Variants in SLC2A12 observed in about 807,000 individuals in gnomAD.
SLC2A12 encodes the protein solute carrier family 2 member 12, also known as solute carrier family 2, facilitated glucose transporter member 12.
In SLC2A12, 23 loss-of-function variants were observed where a neutral mutation model predicts 41.8. That is an observed-to-expected ratio of 0.55 (90% confidence interval 0.40 to 0.78). The LOEUF is 0.78. Ranked by LOEUF, SLC2A12 falls within the 30% of genes least tolerant of loss-of-function variation. The pLI is 0.00. For synonymous variants in SLC2A12, 295 were observed against 285.9 expected (o/e 1.03, Z -0.32); for missense variants, 654 against 745.6 (o/e 0.88, Z 1.43).
chr6:134,039,515 T>C (rs1777351593), intron 1 of SLC2A12, among the ~76,000 whole-genome samples: 1 of 152,238 alleles, frequency 6.6e-6, no homozygotes, highest in Non-Finnish European at 1.5e-5. Context: ...ATTTGAAACA[T>C]ACTTGCCAAT....
At chr6:134,030,434 G>T (rs532833623) in intron 1 of SLC2A12, among the ~76,000 whole-genome samples, 1 of 152,286 alleles carries the variant, frequency 6.6e-6, no homozygotes, top group South Asian at 2.1e-4. Flanking sequence ...TAAGGAGAAA[G>T]GGGGATGGAA....
At chr6:134,031,229 T>G (rs1288078194) in intron 1 of SLC2A12, among the ~76,000 whole-genome samples, 1 of 151,902 alleles carries the variant, frequency 6.6e-6, no homozygotes, top group Non-Finnish European at 1.5e-5. Flanking sequence ...CCATCACTAT[T>G]AAAAGTACAA....
chr6:134,016,286 AAAT>A (rs1287928875), intron 2 of SLC2A12, among the ~76,000 whole-genome samples: 2 of 146,132 alleles, frequency 1.4e-5, no homozygotes, highest in Non-Finnish European at 2.9e-5. Context: ...ACAAAAGAAA[AAAT>A]AAATAAATAA....
chr6:134,032,605 T>C (rs914342298), intron 1 of SLC2A12, among the ~76,000 whole-genome samples: 2 of 146,820 alleles, frequency 1.4e-5, no homozygotes, highest in African/African-American at 5.1e-5. Flanking sequence ...TTATATGCTT[T>C]AAGGGACACT....
intron 4 of SLC2A12, among the ~76,000 whole-genome samples, chr6:133,997,659 A>G (rs190814933): frequency 6.0e-4 from 91 of 152,262 alleles, no homozygotes; most frequent in African/African-American, 2.1e-3. Context: ...GAGGAGAGAG[A>G]TGGAGGTGGG....
At chr6:134,040,084 T>C (rs1010370274) in intron 1 of SLC2A12, among the ~76,000 whole-genome samples, 1 of 151,572 alleles carries the variant, frequency 6.6e-6, no homozygotes, top group Non-Finnish European at 1.5e-5. Flanking sequence ...TTTTTGTTTT[T>C]TGTTTTTTTT....
chr6:134,015,464 C>T (rs1389986886), intron 2 of SLC2A12, among the ~76,000 whole-genome samples: 2 of 152,150 alleles, frequency 1.3e-5, no homozygotes, highest in African/African-American at 4.8e-5. Context: ...TACCCCTGAA[C>T]TTAAAAGTTG....
chr6:134,018,140 T>G (rs1055128449), intron 2 of SLC2A12, among the ~76,000 whole-genome samples: 5 of 151,978 alleles, frequency 3.3e-5, no homozygotes, highest in African/African-American at 1.2e-4. Context: ...TGTCCCAGAG[T>G]GACTTAAGCA....
chr6:134,031,132 C>T (rs1234091411), intron 1 of SLC2A12, among the ~76,000 whole-genome samples: 1 of 152,192 alleles, frequency 6.6e-6, no homozygotes, highest in Admixed American at 6.5e-5. Flanking sequence ...TGGCTCACGC[C>T]TGTAATCCCA....
chr6:134,021,404 T>G (rs929328279), intron 2 of SLC2A12, among the ~76,000 whole-genome samples: 4 of 152,226 alleles, frequency 2.6e-5, no homozygotes, highest in Non-Finnish European at 5.9e-5. Flanking sequence ...AGATGTTTCT[T>G]CCTTCAAAAT....
intron 2 of SLC2A12, among the ~76,000 whole-genome samples, chr6:134,009,575 C>G (rs1007403748): frequency 6.6e-6 from 1 of 152,072 alleles, no homozygotes; most frequent in African/African-American, 2.4e-5. Flanking sequence ...AATCCCAGCA[C>G]TTTGGGAGGC....
Position 134,028,560 on chromosome 6 carries a change from A to G in SLC2A12, c.1265T>C (p.Leu422Pro). ...SSHSRSSLMP[L>P]RNDVDKRGET... is the part of the protein sequence containing the mutation. ...CCCTCTCTTATCCACATCATTTCTC[A>G]GGGGCATGAGTGAGCTTCTGCTATG... is the stretch of plus-strand genomic sequence containing the variant. Residue 422 changes from leucine to proline, a missense_variant, in exon 2 of 5, where the codon CTG becomes CCG. By Grantham distance (98) the Leu-to-Pro change is moderately conservative (BLOSUM62 -3). Around this residue, in one of 3 missense-constraint regions of SLC2A12, gnomAD observed 411 missense variants for 412.1 expected, o/e 1.00. Transcript: ENST00000275230. 1.2e-6 allele frequency: 2 copies of G among 1,614,154 alleles called. No homozygotes were observed. Among genetic ancestry groups the G allele is most frequent in the African/African-American group, 1.3e-5 (1 of 75,040 alleles).
chr6:133,991,130 C>G lies in SLC2A12; in HGVS notation c.*25G>C. 2 of 1,600,034 alleles carry G rather than the reference C, an allele frequency of 1.2e-6. No homozygotes were observed. The highest frequency in any genetic ancestry group is 1.7e-6 in the Non-Finnish European group (2 of 1,175,466). ...ACCCTCCTAAGTGTTCTGGCACTAT[C>G]CACGTTCAGAAGGTGTTGAGGCCAT... On this transcript the variant is annotated 3_prime_UTR_variant, in exon 5 of 5. Coordinates refer to ENST00000275230, the MANE Select transcript of SLC2A12 (RefSeq NM_145176.3).
At position 134,028,649 on chromosome 6, in the gene SLC2A12, A is replaced by G. The variant is rs751138734; in HGVS notation, c.1176T>C (p.Tyr392=). 6.2e-7 allele frequency: 1 copy of G among 1,614,246 alleles called. No homozygotes were observed. Among genetic ancestry groups the G allele is most frequent in the Non-Finnish European group, 8.5e-7 (1 of 1,180,036 alleles). ...TGTTGGTTGACAGGTTTCCTGGTCC[A>G]TAAATCACAGACTCATCCAAGGACT... ...INQSLDESVI[Y]GPGNLSTNNN... is the part of the protein sequence containing the mutation. The change falls in exon 2 of 5, where the codon TAT becomes TAC. Residue 392 remains tyrosine (Y), a synonymous_variant. Coordinates refer to ENST00000275230, the MANE Select transcript of SLC2A12 (RefSeq NM_145176.3).
intron 1 of SLC2A12, among the ~76,000 whole-genome samples, chr6:134,045,481 G>C (rs1777445168): frequency 6.6e-6 from 1 of 152,204 alleles, no homozygotes; most frequent in East Asian, 1.9e-4. Flanking sequence ...GTCCTAATTA[G>C]TTACCGGCTA....
chr6:134,024,589 T>C (rs995107382), intron 2 of SLC2A12, among the ~76,000 whole-genome samples: 6 of 152,256 alleles, frequency 3.9e-5, no homozygotes, highest in African/African-American at 1.2e-4. Flanking sequence ...ACCCAGGCCC[T>C]ACTATACCCA....
rs534756067 is a variant in SLC2A12, at chr6:134,028,002, T to C, written c.1444+379A>G. Among the ~76,000 whole-genome samples the C allele has an allele frequency of 1.4e-4, 22 of 152,310 alleles. 1 individual carries two copies. Among genetic ancestry groups the C allele is most frequent in the Non-Finnish European group, 1.5e-5 (1 of 68,020 alleles). On this transcript the variant is annotated intron_variant, in intron 2 of 4. Transcript: ENST00000275230. ...CTTTAAGAAAATCTAAACCCTTGAT[T>C]TTTTTCCTTCTACATAGGAAGAAAC...
intron 1 of SLC2A12, among the ~76,000 whole-genome samples, chr6:134,039,116 T>C (rs889867667): frequency 6.6e-6 from 1 of 152,266 alleles, no homozygotes; most frequent in Non-Finnish European, 1.5e-5. Flanking sequence ...AAAGATTTCC[T>C]CTAATATTTT....
intron 2 of SLC2A12, among the ~76,000 whole-genome samples, chr6:134,023,887 C>T (rs752261575): frequency 6.6e-6 from 1 of 152,182 alleles, no homozygotes; most frequent in Non-Finnish European, 1.5e-5. Context: ...TGATTTTGTG[C>T]TGTGTTACTT....
Sources: allele counts gnomAD v4.1 joint callset (sites outside exome capture counted in the v4.1 genomes callset), GRCh38; gene constraint gnomAD v4.1.1; regional missense constraint gnomAD v4.1.1; transcripts MANE v1.5; gene names NCBI Gene and HGNC (gene_info 2026-07-23, HGNC 2026-07-21).